SRBD1: variants seen among roughly 807,000 people sequenced by gnomAD.
The protein encoded by SRBD1 is S1 RNA-binding domain-containing protein 1.
Under a neutral mutation model 115.3 loss-of-function variants are expected in SRBD1, and 88 were observed. That is an observed-to-expected ratio of 0.76 (90% CI 0.64 to 0.91). The LOEUF (loss-of-function observed/expected upper bound fraction) is 0.91, where lower values mean the gene tolerates loss of function less well. SRBD1 is among the 40% of genes least tolerant of loss of function. The pLI, the probability that SRBD1 is intolerant of heterozygous loss-of-function variation, is 0.00. For synonymous variants in SRBD1, 509 were observed against 407.7 expected (o/e 1.25, Z -2.99); for missense variants, 1,385 against 1,177.4 (o/e 1.18, Z -2.58).
chr2:45,599,971 G>T, intron 3 of SRBD1, 136 bp from the exon 4 acceptor site: 1 of 1,087,334 alleles, frequency 9.2e-7, no homozygotes, highest in Non-Finnish European at 1.3e-6. Flanking sequence ...ATTATGTTGA[G>T]TGGGAAAAAA....
At chr2:45,603,268 C>T (rs570371654) in intron 2 of SRBD1, among the ~76,000 whole-genome samples, 1 of 152,272 alleles carries the variant, frequency 6.6e-6, no homozygotes, top group Admixed American at 6.5e-5. Context: ...TGATATAGTT[C>T]TAAGGCAGCT....
chr2:45,464,336 A>G (rs536894646), intron 16 of SRBD1, among the ~76,000 whole-genome samples: 7 of 152,318 alleles, frequency 4.6e-5, no homozygotes, highest in Admixed American at 2.6e-4. Context: ...GAGATGAGGT[A>G]TGCAAGATAG....
chr2:45,508,905 T>C (rs1670876260), intron 14 of SRBD1, among the ~76,000 whole-genome samples: 1 of 152,026 alleles, frequency 6.6e-6, no homozygotes, highest in African/African-American at 2.4e-5. Context: ...ATTTTCCCTA[T>C]GTTTAAATGA....
At chr2:45,531,221 CAACT>C (rs1290973023) in intron 14 of SRBD1, among the ~76,000 whole-genome samples, 1 of 151,774 alleles carries the variant, frequency 6.6e-6, no homozygotes, top group Non-Finnish European at 1.5e-5. Flanking sequence ...GTCTTTAATT[CAACT>C]AACTGACAAG....
intron 15 of SRBD1, among the ~76,000 whole-genome samples, chr2:45,484,911 T>G (rs1057118514): frequency 2.6e-5 from 4 of 152,262 alleles, no homozygotes; most frequent in Non-Finnish European, 5.9e-5. Context: ...TGTTGTAGCA[T>G]GTACCAGTAC....
In SRBD1 at chr2:45,400,491, C is replaced by A. The variant is rs377602155; in HGVS notation, c.2514-7362G>T. Among the ~76,000 whole-genome samples the A allele has an allele frequency of 1.4e-4, 22 of 152,236 alleles. No homozygotes were observed. The East Asian group carries it at 4.2e-3, about 29-fold the overall frequency. ...TCCAGAAACACAGGAGAGAAACCAG[C>A]ATTTTCTCCAGTCTCAAAACCCAAT... On this transcript the variant is annotated intron_variant, in intron 19 of 20. Transcript: ENST00000263736.
chr2:45,396,795 C>CA (rs1667157250), intron 19 of SRBD1, among the ~76,000 whole-genome samples: 1 of 152,112 alleles, frequency 6.6e-6, no homozygotes, highest in Non-Finnish European at 1.5e-5. Flanking sequence ...TCATCATTTC[C>CA]AGCATGGAGA....
chr2:45,412,240 T>A (rs1255715216), intron 19 of SRBD1, among the ~76,000 whole-genome samples: 1 of 152,172 alleles, frequency 6.6e-6, no homozygotes, highest in African/African-American at 2.4e-5. Context: ...CTGTAAAAAT[T>A]TTTTTTCCAA....
chr2:45,568,254 T>C (rs1672896969), intron 9 of SRBD1, among the ~76,000 whole-genome samples: 1 of 152,214 alleles, frequency 6.6e-6, no homozygotes, highest in African/African-American at 2.4e-5. Context: ...TGGAAGAATT[T>C]ACTAAGCAGC....
intron 14 of SRBD1, among the ~76,000 whole-genome samples, chr2:45,528,706 G>T (rs1671524256): frequency 6.6e-6 from 1 of 151,832 alleles, no homozygotes; most frequent in African/African-American, 2.4e-5. Context: ...TCAAGGAAAA[G>T]AAGATATACA....
At chr2:45,546,881 T>C in intron 13 of SRBD1, 42 bp from the exon 14 acceptor site, 1 of 1,571,062 alleles carries the variant, frequency 6.4e-7, no homozygotes, top group Non-Finnish European at 8.8e-7. Flanking sequence ...TTTCAAGGCA[T>C]GCTTTGAAAT....
At chr2:45,486,483 T>C (rs1670123268) in intron 15 of SRBD1, among the ~76,000 whole-genome samples, 1 of 152,118 alleles carries the variant, frequency 6.6e-6, no homozygotes, top group Admixed American at 6.5e-5. Flanking sequence ...ATCCCAGCAC[T>C]TTGGGAGGCC....
Position 45,434,027 on chromosome 2 carries a change from A to G in SRBD1, c.2050-14133T>C, listed in dbSNP as rs547271065. ...GCCAGTGGTCATAAGAGGGAAAAAA[A>G]TAAACAGGAAGACATTCTCTTTGCA... On this transcript the variant is annotated intron_variant, in intron 16 of 20. Coordinates refer to ENST00000263736, the MANE Select transcript of SRBD1 (RefSeq NM_018079.5). Among the ~76,000 whole-genome samples the G allele has an allele frequency of 8.5e-5, 13 of 152,346 alleles. No homozygotes were observed. In the South Asian group the frequency reaches 2.7e-3, roughly 32 times the overall value.
intron 16 of SRBD1, among the ~76,000 whole-genome samples, chr2:45,441,219 A>G (rs949769891): frequency 3.3e-5 from 5 of 152,176 alleles, no homozygotes; most frequent in African/African-American, 1.2e-4. Flanking sequence ...TTTCGCTTCC[A>G]TGTCCCATCT....
Position 45,466,906 on chromosome 2 carries a change from G to A in SRBD1, c.2049+10087C>T, listed in dbSNP as rs74936658. 5.6e-3 allele frequency among the ~76,000 whole-genome samples: 850 copies of A among 152,294 alleles called. 14 individuals carry two copies. The highest frequency in any genetic ancestry group is 0.02 in the African/African-American group (819 of 41,560). The stretch of plus-strand genomic sequence containing the variant: ...TCTTGTTAATCAAAACAGACCAGCA[G>A]CACAGTTATCACCTGAGTGCTTCCT... On this transcript the variant is annotated intron_variant, in intron 16 of 20. Coordinates refer to ENST00000263736, the MANE Select transcript of SRBD1 (RefSeq NM_018079.5).
intron 16 of SRBD1, among the ~76,000 whole-genome samples, chr2:45,463,017 CGGG>C (rs11470984): frequency 0.014 from 1,627 of 116,312 alleles, 39 homozygotes; most frequent in African/African-American, 0.047. Flanking sequence ...GAGAATAACC[CGGG>C]GGGGGGGGGG....
intron 16 of SRBD1, among the ~76,000 whole-genome samples, chr2:45,462,194 T>C (rs751787633): frequency 6.6e-6 from 1 of 152,230 alleles, no homozygotes; most frequent in African/African-American, 2.4e-5. Flanking sequence ...TAGTTGAAAG[T>C]GCTGTTCACA....
chr2:45,479,462 T>C (rs1669897942), intron 15 of SRBD1, among the ~76,000 whole-genome samples: 1 of 152,148 alleles, frequency 6.6e-6, no homozygotes, highest in African/African-American at 2.4e-5. Context: ...CAAAACAGCT[T>C]TTTGCTGATA....
intron 7 of SRBD1, 92 bp downstream of exon 7, chr2:45,579,783 C>G: frequency 2.2e-6 from 3 of 1,340,902 alleles, no homozygotes; most frequent in Non-Finnish European, 2.9e-6. Flanking sequence ...TTTGTATAAT[C>G]AGTACTTAAC....
Sources: allele counts gnomAD v4.1 joint callset (sites outside exome capture counted in the v4.1 genomes callset), GRCh38; gene constraint gnomAD v4.1.1; transcripts MANE v1.5; gene names NCBI Gene and HGNC (gene_info 2026-07-23, HGNC 2026-07-21).